Variants in ARPP19 observed in about 807,000 individuals in gnomAD.
The protein encoded by ARPP19 is cAMP regulated phosphoprotein 19.
In ARPP19, 8 loss-of-function variants were observed where a neutral mutation model predicts 12.0. That is an observed-to-expected ratio of 0.67 (90% confidence interval 0.39 to 1.21). The LOEUF (loss-of-function observed/expected upper bound fraction) is 1.21. Among genes scored for constraint, ARPP19 ranks in the 50% most tolerant of loss-of-function variants. ARPP19 has a pLI of 0.01. For synonymous variants in ARPP19, 47 were observed against 50.4 expected (o/e 0.93, Z 0.29); for missense variants, 102 against 136.3 (o/e 0.75, Z 1.25).
upstream of ARPP19, chr15:52,569,258 C>T (rs559969225): frequency 4.1e-4 from 127 of 307,152 alleles, no homozygotes; most frequent in African/African-American, 2.5e-3. Context: ...CCGCCCCTCC[C>T]CGCCCTTTCC....
intron 1 of ARPP19, chr15:52,557,552 A>C: frequency 5.2e-6 from 1 of 191,768 alleles, no homozygotes; most frequent in Non-Finnish European, 1.1e-5. Flanking sequence ...GGAACTCTTC[A>C]GTTCTTTGCC....
At chr15:52,556,193 C>CAT (rs3079149) in intron 2 of ARPP19, among the ~76,000 whole-genome samples, 15,828 of 152,008 alleles carry the variant, frequency 0.1, 892 homozygotes, top group Middle Eastern at 0.17. Flanking sequence ...CACACACAGA[C>CAT]GTGTTTTAAG....
chr15:52,567,799 A>T (rs2078098267), intron 1 of ARPP19, among the ~76,000 whole-genome samples: 1 of 152,218 alleles, frequency 6.6e-6, no homozygotes, highest in South Asian at 2.1e-4. Context: ...ATGGGCTTAG[A>T]ACACTAATCC....
rs180824184 is a variant in ARPP19 at position 52,553,921 on chromosome 15, G to A, written c.169-1817C>T. On this transcript the variant is annotated intron_variant, in intron 2 of 2. Coordinates refer to ENST00000249822, the MANE Select transcript of ARPP19 (RefSeq NM_006628.6). Reference sequence around the variant, plus strand: ...ACAGAAACTGCTTTAATGTATTACTGTATATGTACCATACGGAACAGTAAC... The same window carrying A: ...ACAGAAACTGCTTTAATGTATTACTATATATGTACCATACGGAACAGTAAC... 3.0e-4 allele frequency among the ~76,000 whole-genome samples: 46 copies of A among 152,336 alleles called. No individual in the cohort carries two copies. In the East Asian group the frequency reaches 8.5e-3, roughly 28 times the overall value.
chr15:52,567,647 T>C (rs552053255), intron 1 of ARPP19, among the ~76,000 whole-genome samples: 1 of 152,236 alleles, frequency 6.6e-6, no homozygotes, highest in Admixed American at 6.5e-5. Flanking sequence ...TAAATATATC[T>C]ATTTTCACGG....
Position 52,547,065 on chromosome 15 carries a change from AT to A in ARPP19, c.*4868del, listed in dbSNP as rs2077882978. On this transcript the variant is annotated 3_prime_UTR_variant, in exon 3 of 3. Transcript: ENST00000249822. ...AAGACTCACAATCTGCAAACATTTA[AT>A]CCTACCTTAAGTACAAAGCCTTTAC... 2 of 147,210 alleles carry A rather than the reference AT, an allele frequency of 1.4e-5. No individual in the cohort carries two copies. Among genetic ancestry groups the A allele is most frequent in the African/African-American group, 5.0e-5 (2 of 40,034 alleles). The allele number at this position is 147,210 out of a possible 1,614,324, so 9.1% of individuals were successfully genotyped here.
chr15:52,568,028 G>C (rs1267010164), intron 1 of ARPP19, among the ~76,000 whole-genome samples: 1 of 152,198 alleles, frequency 6.6e-6, no homozygotes, highest in East Asian at 1.9e-4. Flanking sequence ...TACAGTGGGA[G>C]AGACAAACAC....
rs1379994322 is a variant in ARPP19, at chr15:52,560,911, G to T, written c.46-3689C>A. On this transcript the variant is annotated intron_variant, in intron 1 of 2. Coordinates refer to ENST00000249822, the MANE Select transcript of ARPP19 (RefSeq NM_006628.6). ...TACACGACAAGGGAGGCAGACGATG[G>T]TGGACTCTGAACAGTACTCATCCTT... Among the ~76,000 whole-genome samples the T allele has an allele frequency of 2.6e-5, 4 of 152,308 alleles. No individual in the cohort carries two copies. In the East Asian group the frequency reaches 7.7e-4, roughly 29 times the overall value.
At position 52,547,149 on chromosome 15, in the gene ARPP19, T is replaced by C. The variant is rs1178461542; in HGVS notation, c.*4785A>G. 5 of 147,996 alleles carry C rather than the reference T, an allele frequency of 3.4e-5. No individual in the cohort carries two copies. The highest frequency in any genetic ancestry group is 7.4e-5 in the Non-Finnish European group (5 of 67,300). The allele number at this position is 147,996 out of a possible 1,614,324, so 9.2% of individuals were successfully genotyped here. On this transcript the variant is annotated 3_prime_UTR_variant, in exon 3 of 3. Transcript: ENST00000249822. Reference sequence around the variant, plus strand: ...CAAGTCAGTTTCTTCCTGCATACAGTAATAGCTGAAATGTAAAGAGATCAA... The same window carrying C: ...CAAGTCAGTTTCTTCCTGCATACAGCAATAGCTGAAATGTAAAGAGATCAA...
intron 1 of ARPP19, among the ~76,000 whole-genome samples, chr15:52,560,968 T>A (rs941079638): frequency 6.6e-6 from 1 of 152,214 alleles, no homozygotes; most frequent in Admixed American, 6.5e-5. Flanking sequence ...AATCCTTACC[T>A]CTGGAAACAC....
At chr15:52,552,796 A>C (rs1181792412) in intron 2 of ARPP19, among the ~76,000 whole-genome samples, 2 of 152,116 alleles carry the variant, frequency 1.3e-5, no homozygotes, top group East Asian at 3.9e-4. Context: ...TTGGCTGGGC[A>C]TGGTGGCTCA....
chr15:52,558,840 G>A (rs2078007040), intron 1 of ARPP19, among the ~76,000 whole-genome samples: 1 of 151,454 alleles, frequency 6.6e-6, no homozygotes, highest in Admixed American at 6.6e-5. Flanking sequence ...ACCCACGGGG[G>A]GGAAAAAATT....
intron 1 of ARPP19, chr15:52,564,155 T>A: frequency 6.8e-7 from 1 of 1,469,152 alleles, no homozygotes; most frequent in Admixed American, 2.0e-5. Context: ...CTAAGACGGC[T>A]AAGAGAAACA....
At chr15:52,563,963 A>C (rs2078058473) in intron 1 of ARPP19, among the ~76,000 whole-genome samples, 1 of 152,218 alleles carries the variant, frequency 6.6e-6, no homozygotes. Context: ...GAAAAAATAC[A>C]ATGTACTTGT....
chr15:52,547,243 A>G lies in ARPP19; in HGVS notation c.*4691T>C, dbSNP rs1595857330. 2 of 152,236 alleles carry G rather than the reference A, an allele frequency of 1.3e-5. No individual in the cohort carries two copies. 9.4% of individuals were successfully genotyped at this position (152,236 alleles called of 1,614,324 possible). A position where few individuals can be genotyped will look rare whatever the true frequency, so the allele number is the denominator to read the frequency against. On this transcript the variant is annotated 3_prime_UTR_variant, in exon 3 of 3. Coordinates refer to ENST00000249822, the MANE Select transcript of ARPP19 (RefSeq NM_006628.6). ...AAAACTGCAAATTAAATCAATAGAA[A>G]TTAGGTAGATCCATTTATTTTTTAA...
chr15:52,553,973 A>C (rs1168261001), intron 2 of ARPP19, among the ~76,000 whole-genome samples: 27 of 152,230 alleles, frequency 1.8e-4, no homozygotes, highest in Non-Finnish European at 1.5e-5. Flanking sequence ...GGCCCATCTA[A>C]AGCTTTCTGC....
rs908334088 is a variant in ARPP19, at chr15:52,551,644, ACTTG to A, written c.*286_*289del. ...AAAGCCAAAACATTAAAATTTTAAA[ACTTG>A]CTTGTTACTTGTTAGAACCAGTACT... is the stretch of plus-strand genomic sequence containing the variant. On this transcript the variant is annotated 3_prime_UTR_variant, in exon 3 of 3. Coordinates refer to ENST00000249822, the MANE Select transcript of ARPP19 (RefSeq NM_006628.6). 7 of 253,086 alleles carry A rather than the reference ACTTG, an allele frequency of 2.8e-5. No homozygotes were observed. In the South Asian group the frequency reaches 3.6e-4, roughly 13 times the overall value. The allele number at this position is 253,086 out of a possible 1,614,324, so 15.7% of individuals were successfully genotyped here.
intron 1 of ARPP19, chr15:52,564,288 C>T: frequency 1.4e-6 from 2 of 1,420,582 alleles, no homozygotes; most frequent in Non-Finnish European, 1.9e-6. Context: ...GTTGCTCACA[C>T]CTGCAGTCCC....
intron 2 of ARPP19, among the ~76,000 whole-genome samples, chr15:52,552,688 G>C (rs1343937697): frequency 6.6e-6 from 1 of 151,370 alleles, no homozygotes; most frequent in Non-Finnish European, 1.5e-5. Context: ...TAAGCTATTT[G>C]GGAAGTCCCA....
Sources: allele counts gnomAD v4.1 joint callset (sites outside exome capture counted in the v4.1 genomes callset), GRCh38; gene constraint gnomAD v4.1.1; transcripts MANE v1.5; gene names NCBI Gene and HGNC (gene_info 2026-07-23, HGNC 2026-07-21).